The following SIN3A variants were observed in gnomAD, a reference collection of about 807,000 sequenced individuals.
SIN3A encodes the protein paired amphipathic helix protein Sin3a.
SIN3A carries 14 observed loss-of-function variants against 146.1 expected under a neutral mutation model. That is an observed-to-expected ratio of 0.10 (90% CI 0.06 to 0.15). The LOEUF (loss-of-function observed/expected upper bound fraction) is 0.15, where lower values mean the gene tolerates loss of function less well. Among genes scored for constraint, SIN3A ranks in the 10% least tolerant of loss-of-function variants. The pLI is 1.00. For synonymous variants in SIN3A, 572 were observed against 572.0 expected (o/e 1.00, Z 0.00); for missense variants, 1,028 against 1,576.0 (o/e 0.65, Z 5.89).
chr15:75,429,955 C>G, intron 2 of SIN3A: 1 of 453,786 alleles, frequency 2.2e-6, no homozygotes. Context: ...GTGGCTACCT[C>G]TGAAGGGAGG....
chr15:75,452,153 C>T (rs979105887), upstream of SIN3A, among the ~76,000 whole-genome samples: 4 of 152,256 alleles, frequency 2.6e-5, no homozygotes, highest in Non-Finnish European at 4.4e-5. Context: ...GTGAAACAGG[C>T]TCCGCCTACC....
At chr15:75,443,617 C>T (rs2074253878) in intron 1 of SIN3A, 1 of 152,118 alleles carries the variant, frequency 6.6e-6, no homozygotes, top group Non-Finnish European at 1.5e-5. Context: ...ACTTGGAGGG[C>T]TGAGGTGAGA....
intron 9 of SIN3A, among the ~76,000 whole-genome samples, chr15:75,406,175 G>T (rs1465220333): frequency 6.6e-6 from 1 of 152,318 alleles, no homozygotes; most frequent in Non-Finnish European, 1.5e-5. Flanking sequence ...CTACCCTGAT[G>T]AAAGTTTCCT....
intron 19 of SIN3A, among the ~76,000 whole-genome samples, chr15:75,378,618 A>G (rs2072909641): frequency 6.6e-6 from 1 of 152,124 alleles, no homozygotes; most frequent in Non-Finnish European, 1.5e-5. Flanking sequence ...TGTCATATCA[A>G]AGAATATCCA....
At chr15:75,438,086 C>T (rs751331968) in intron 1 of SIN3A, among the ~76,000 whole-genome samples, 2 of 152,126 alleles carry the variant, frequency 1.3e-5, no homozygotes, top group African/African-American at 2.4e-5. Flanking sequence ...TAAAACTGGG[C>T]GCGGTGGTTC....
At position 75,394,722 on chromosome 15, in the gene SIN3A, C is replaced by T; in HGVS notation, c.2235G>A (p.Arg745=). ...CAATCTCATTGAGTAAGCTCTTAGA[C>T]CTCAGGACCTTGGTGTCATTCTGTT... is the stretch of plus-strand genomic sequence containing the variant. ...NFKQNDTKVL[R]SKSLLNEIES... is the part of the protein sequence containing the mutation. Residue 745 remains arginine (R), a synonymous_variant, in exon 14 of 21, where the codon AGG becomes AGA. Transcript: ENST00000394947. 6.2e-7 allele frequency: 1 copy of T among 1,614,094 alleles called. No homozygotes were observed. The highest frequency in any genetic ancestry group is 8.5e-7 in the Non-Finnish European group (1 of 1,179,990).
At chr15:75,421,431 A>T in intron 3 of SIN3A, 1 of 152,236 alleles carries the variant, frequency 6.6e-6, no homozygotes, top group East Asian at 1.9e-4. Context: ...GCCAATATAG[A>T]GAGTAAATTT....
At chr15:75,445,547 G>A (rs1381097277) in intron 1 of SIN3A, among the ~76,000 whole-genome samples, 2 of 151,070 alleles carry the variant, frequency 1.3e-5, no homozygotes, top group African/African-American at 4.9e-5. Context: ...CTCCAGCCTG[G>A]GAGACAGAGC....
chr15:75,385,346 C>A (rs1192040153), intron 16 of SIN3A, among the ~76,000 whole-genome samples: 7 of 152,168 alleles, frequency 4.6e-5, no homozygotes, highest in African/African-American at 1.7e-4. Flanking sequence ...AATACTTTTC[C>A]AAACACATCA....
At chr15:75,431,616 G>A (rs1465203034) in intron 1 of SIN3A, among the ~76,000 whole-genome samples, 1 of 151,556 alleles carries the variant, frequency 6.6e-6, no homozygotes. Context: ...GGGAGATTTG[G>A]CAAGCCACCC....
chr15:75,409,721 G>T, intron 8 of SIN3A, 115 bp downstream of exon 8: 1 of 1,144,404 alleles, frequency 8.7e-7, no homozygotes, highest in Non-Finnish European at 1.3e-6. Context: ...AGCGAGACTC[G>T]GTCTCAAAAA....
chr15:75,455,410 G>C (rs1317588439), upstream of SIN3A, among the ~76,000 whole-genome samples: 8 of 152,122 alleles, frequency 5.3e-5, no homozygotes, highest in Admixed American at 5.2e-4. Context: ...TTAAAAAAAC[G>C]GCACAACAGG....
At chr15:75,376,826 C>CTA (rs1408692312) in intron 19 of SIN3A, among the ~76,000 whole-genome samples, 1 of 141,488 alleles carries the variant, frequency 7.1e-6, no homozygotes, top group Non-Finnish European at 1.5e-5. Context: ...CACCACTGTA[C>CTA]TATAGCCTGG....
At chr15:75,379,218 T>G (rs1595887425) in intron 19 of SIN3A, among the ~76,000 whole-genome samples, 1 of 152,204 alleles carries the variant, frequency 6.6e-6, no homozygotes, top group Non-Finnish European at 1.5e-5. Flanking sequence ...ATTTTTCAAA[T>G]GAATTAAAGA....
At position 75,375,769 on chromosome 15, in the gene SIN3A, C is replaced by T; in HGVS notation, c.3487G>A (p.Asp1163Asn). The T allele has an allele frequency of 6.2e-7, 1 of 1,614,140 alleles. No homozygotes were observed. The highest frequency in any genetic ancestry group is 8.5e-7 in the Non-Finnish European group (1 of 1,180,014). ...AGCTTGAATCTACACTCCAGCTTATCCAGACTATCCACATTCTCCATGGTC... is the reference window on the plus strand; with the variant it reads ...AGCTTGAATCTACACTCCAGCTTATTCAGACTATCCACATTCTCCATGGTC... ...KKTMENVDSL[D>N]KLECRFKLNS... The change falls in exon 20 of 21, where the codon GAT becomes AAT. Residue 1163 changes from aspartate to asparagine, a missense_variant. Asp to Asn is a conservative substitution (Grantham distance 23). Transcript: ENST00000394947.
At chr15:75,376,489 T>C (rs2141370793) in intron 19 of SIN3A, 1 of 153,482 alleles carries the variant, frequency 6.5e-6, no homozygotes, top group African/African-American at 2.4e-5. Flanking sequence ...TGAGGGGTGG[T>C]AGGCTTGCTA....
chr15:75,419,148 G>C (rs1193830769), intron 3 of SIN3A: 1 of 152,114 alleles, frequency 6.6e-6, no homozygotes, highest in Non-Finnish European at 1.5e-5. Flanking sequence ...AGATTGTATA[G>C]TTGGTCAATA....
intron 3 of SIN3A, among the ~76,000 whole-genome samples, chr15:75,417,266 T>TAA (rs2073756850): frequency 2.6e-5 from 4 of 152,302 alleles, no homozygotes; most frequent in Admixed American, 2.6e-4. Flanking sequence ...TGAGATACGT[T>TAA]AAGTTTTATT....
In SIN3A at chr15:75,392,772, C is replaced by T. The variant is rs759951599; in HGVS notation, c.2321G>A (p.Gly774Asp). 6.2e-7 allele frequency: 1 copy of T among 1,613,772 alleles called. No homozygotes were observed. Among genetic ancestry groups the T allele is most frequent in the Non-Finnish European group, 8.5e-7 (1 of 1,179,916 alleles). Residue 774 changes from glycine (G) to aspartate (D), a missense_variant, in exon 15 of 21, where the codon GGC becomes GAC. By Grantham distance (94) the Gly-to-Asp change is moderately conservative (BLOSUM62 -1). Transcript: ENST00000394947. ...ATEENAGVPV[G>D]PHLSLAYEDK... ...TTCATACGCAAGTGAGAGGTGTGGG[C>T]CAACAGGTACACCAGCATTCTCCTC...
Sources: allele counts gnomAD v4.1 joint callset (sites outside exome capture counted in the v4.1 genomes callset), GRCh38; gene constraint gnomAD v4.1.1; transcripts MANE v1.5; gene names NCBI Gene and HGNC (gene_info 2026-07-23, HGNC 2026-07-21).